The following CRTC3 variants were observed in gnomAD, a reference collection of about 807,000 sequenced individuals.
CRTC3 encodes the protein CREB-regulated transcription coactivator 3.
CRTC3 carries 26 observed loss-of-function variants against 74.5 expected under a neutral mutation model. The observed-to-expected ratio is 0.35, with a 90% CI of 0.26 to 0.48. The LOEUF is 0.48. Among genes scored for constraint, CRTC3 ranks in the 20% least tolerant of loss-of-function variants. The pLI is 0.99. For missense variants in CRTC3, 760 were observed against 787.3 expected (o/e 0.97, Z 0.41); for synonymous variants, 377 against 325.8 (o/e 1.16, Z -1.69).
intron 2 of CRTC3, among the ~76,000 whole-genome samples, chr15:90,570,428 G>T (rs1019898491): frequency 2.0e-5 from 3 of 152,096 alleles, no homozygotes; most frequent in African/African-American, 7.2e-5. Flanking sequence ...AGAAAAGTCG[G>T]TTATGTGGGC....
At chr15:90,605,013 C>G (rs1302681483) in intron 5 of CRTC3, among the ~76,000 whole-genome samples, 3 of 152,202 alleles carry the variant, frequency 2.0e-5, no homozygotes, top group Admixed American at 6.5e-5. Flanking sequence ...ATAGTCCCAA[C>G]ACTTTGGGAG....
intron 2 of CRTC3, among the ~76,000 whole-genome samples, chr15:90,540,392 A>G: frequency 6.6e-6 from 1 of 152,360 alleles, no homozygotes; most frequent in East Asian, 1.9e-4. Context: ...TAGTAGCTAC[A>G]TTAAAGAAGA....
At chr15:90,546,364 A>G (rs888471027) in intron 2 of CRTC3, among the ~76,000 whole-genome samples, 1 of 151,998 alleles carries the variant, frequency 6.6e-6, no homozygotes, top group African/African-American at 2.4e-5. Flanking sequence ...ATGTGGGTCT[A>G]TTTCCGGACT....
chr15:90,614,995 C>T (rs1399143398), intron 7 of CRTC3, among the ~76,000 whole-genome samples: 2 of 151,998 alleles, frequency 1.3e-5, no homozygotes, highest in Non-Finnish European at 2.9e-5. Flanking sequence ...ACACGGGAGG[C>T]GGAGGTTACA....
intron 1 of CRTC3, among the ~76,000 whole-genome samples, chr15:90,531,247 T>G (rs529531441): frequency 3.7e-4 from 56 of 152,286 alleles, no homozygotes; most frequent in Non-Finnish European, 6.9e-4. Context: ...CCGTATTATT[T>G]ATTTATTATT....
At chr15:90,532,833 T>A (rs1966649197) in intron 1 of CRTC3, among the ~76,000 whole-genome samples, 1 of 152,084 alleles carries the variant, frequency 6.6e-6, no homozygotes, top group Admixed American at 6.6e-5. Flanking sequence ...ACGCCTGTAA[T>A]CCCAGCACTT....
chr15:90,627,310 A>G (rs530568585), intron 10 of CRTC3, among the ~76,000 whole-genome samples: 54 of 152,224 alleles, frequency 3.5e-4, no homozygotes, highest in Non-Finnish European at 5.4e-4. Flanking sequence ...TGATATTTAT[A>G]CATTTGCTTC....
intron 2 of CRTC3, among the ~76,000 whole-genome samples, chr15:90,591,699 C>T (rs1258033339): frequency 1.3e-5 from 2 of 152,174 alleles, no homozygotes; most frequent in African/African-American, 2.4e-5. Flanking sequence ...ACTGTAGTCC[C>T]AGCTACTCAG....
At chr15:90,623,803 C>T (rs1968732964) in intron 9 of CRTC3, among the ~76,000 whole-genome samples, 1 of 152,182 alleles carries the variant, frequency 6.6e-6, no homozygotes, top group Non-Finnish European at 1.5e-5. Flanking sequence ...CCACTTCCAT[C>T]TCCCACCACT....
In CRTC3 at chr15:90,629,536, AAC is replaced by A; in HGVS notation, c.1266+12_1266+13del. Reference sequence around the variant, plus strand: ...GGCCCCATATCCTACCTCCCAGGTAAACACACACAGACAGACCAACCACTACA... The same window carrying A: ...GGCCCCATATCCTACCTCCCAGGTAAACACACAGACAGACCAACCACTACA... On this transcript the variant is annotated splice_donor_5th_base_variant and intron_variant, in intron 11 of 14. Coordinates refer to ENST00000268184, the MANE Select transcript of CRTC3 (RefSeq NM_022769.5). 1.9e-6 allele frequency: 3 copies of A among 1,613,860 alleles called. No homozygotes were observed. The highest frequency in any genetic ancestry group is 1.1e-5 in the South Asian group (1 of 91,072).
chr15:90,570,841 C>A (rs753712212), intron 2 of CRTC3, among the ~76,000 whole-genome samples: 3 of 151,696 alleles, frequency 2.0e-5, no homozygotes, highest in Non-Finnish European at 4.4e-5. Flanking sequence ...AAACAGTGAT[C>A]TTTACTTTGG....
At chr15:90,551,690 C>G (rs1596077547) in intron 2 of CRTC3, among the ~76,000 whole-genome samples, 1 of 152,232 alleles carries the variant, frequency 6.6e-6, no homozygotes, top group East Asian at 1.9e-4. Context: ...CTTTATCAGC[C>G]AATCAGATTT....
chr15:90,640,193 C>T (rs1365950593), intron 13 of CRTC3, among the ~76,000 whole-genome samples: 1 of 152,152 alleles, frequency 6.6e-6, no homozygotes, highest in Non-Finnish European at 1.5e-5. Context: ...TGGGAATCAC[C>T]GTCTCCCTGA....
chr15:90,633,308 C>A (rs901836146), intron 11 of CRTC3, among the ~76,000 whole-genome samples: 4 of 152,148 alleles, frequency 2.6e-5, no homozygotes, highest in African/African-American at 9.7e-5. Flanking sequence ...TCGACACATT[C>A]AAAACTAAAT....
At chr15:90,623,652 TC>T (rs1968728239) in intron 9 of CRTC3, among the ~76,000 whole-genome samples, 1 of 152,116 alleles carries the variant, frequency 6.6e-6, no homozygotes, top group East Asian at 1.9e-4. Context: ...CAAGACCCCT[TC>T]CCCAAGTCTG....
intron 11 of CRTC3, among the ~76,000 whole-genome samples, chr15:90,634,231 G>T (rs549421880): frequency 6.6e-6 from 1 of 151,816 alleles, no homozygotes; most frequent in Non-Finnish European, 1.5e-5. Context: ...CCTGGCCTCA[G>T]CCTCCCGAAT....
intron 2 of CRTC3, among the ~76,000 whole-genome samples, chr15:90,552,282 C>A (rs750950453): frequency 6.6e-6 from 1 of 152,164 alleles, no homozygotes; most frequent in Non-Finnish European, 1.5e-5. Flanking sequence ...CACTGCCCCT[C>A]GGTGAAGAAG....
chr15:90,642,024 G>A lies in CRTC3; in HGVS notation c.1744G>A (p.Glu582Lys), dbSNP rs367566158. Residue 582 changes from glutamate to lysine, a missense_variant, in exon 15 of 15, where the codon GAA becomes AAA. By Grantham distance (56) the Glu-to-Lys change is moderately conservative. This residue lies in a region of CRTC3 where 652 missense variants were observed against 635.2 expected (regional missense o/e 1.03). Coordinates refer to ENST00000268184, the MANE Select transcript of CRTC3 (RefSeq NM_022769.5). ...SLNVDTPFPL[E>K]EELQIEPLSL... ...GAACGTGGACACTCCATTTCCACTGGAAGAGGAGCTGCAGATTGAACCCCT... is the reference window on the plus strand; with the variant it reads ...GAACGTGGACACTCCATTTCCACTGAAAGAGGAGCTGCAGATTGAACCCCT... The A allele has an allele frequency of 3.4e-5, 55 of 1,613,874 alleles. No individual in the cohort carries two copies. The highest frequency in any genetic ancestry group is 4.6e-5 in the Non-Finnish European group (54 of 1,180,034).
Position 90,644,954 on chromosome 15 carries a change from G to A in CRTC3, c.*2814G>A. On this transcript the variant is annotated 3_prime_UTR_variant, in exon 15 of 15. Coordinates refer to ENST00000268184, the MANE Select transcript of CRTC3 (RefSeq NM_022769.5). ...TCTTTCTGTATGGTTGTGGGTTTTAGGACATAGGGGGTTAGGAGAAGGGGT... is the reference window on the plus strand; with the variant it reads ...TCTTTCTGTATGGTTGTGGGTTTTAAGACATAGGGGGTTAGGAGAAGGGGT... 1 of 232,354 alleles carries A rather than the reference G, an allele frequency of 4.3e-6. No individual in the cohort carries two copies. The highest frequency in any genetic ancestry group is 8.5e-6 in the Non-Finnish European group (1 of 117,498). 14.4% of individuals were successfully genotyped at this position (232,354 alleles called of 1,614,324 possible).
Sources: gnomAD v4.1 joint callset for allele counts (sites outside exome capture counted in the v4.1 genomes callset) on GRCh38, gnomAD v4.1.1 for gene constraint, gnomAD v4.1.1 regional missense constraint, MANE v1.5 for transcripts, NCBI Gene and HGNC (gene_info 2026-07-23, HGNC 2026-07-21) for gene names.